The following ADAMTS9 variants were observed in gnomAD, a reference collection of about 807,000 sequenced individuals.
ADAMTS9 encodes A disintegrin and metalloproteinase with thrombospondin motifs 9.
Under a neutral mutation model 257.1 loss-of-function variants are expected in ADAMTS9, and 107 were observed. That is an observed-to-expected ratio of 0.42 (90% CI 0.36 to 0.49). ADAMTS9 has a LOEUF of 0.49. ADAMTS9 is among the 20% of genes least tolerant of loss of function. ADAMTS9 has a pLI of 0.03. For synonymous variants in ADAMTS9, 982 were observed against 880.9 expected, an observed-to-expected ratio of 1.11 and a Z score of -2.03; for missense variants, 2,353 against 2,469.1, an observed-to-expected ratio of 0.95 and a Z score of 1.00.
chr3:64,590,257 C>T (rs1372696814), intron 28 of ADAMTS9, among the ~76,000 whole-genome samples: 2 of 152,166 alleles, frequency 1.3e-5, no homozygotes, highest in East Asian at 1.9e-4. Flanking sequence ...TGTCTAATTA[C>T]ACAAAGCTAG....
At chr3:64,603,434 A>G (rs1478302801) in intron 25 of ADAMTS9, among the ~76,000 whole-genome samples, 1 of 152,152 alleles carries the variant, frequency 6.6e-6, no homozygotes, top group Non-Finnish European at 1.5e-5. Flanking sequence ...AAACCCATAG[A>G]TAGTGCTTGG....
At chr3:64,632,219 A>C (rs1700384384) in intron 14 of ADAMTS9, among the ~76,000 whole-genome samples, 1 of 152,206 alleles carries the variant, frequency 6.6e-6, no homozygotes. Flanking sequence ...CTTCATCTAC[A>C]GATAAAAGTT....
In ADAMTS9 at chr3:64,667,954, C is replaced by A. The variant is rs557378051; in HGVS notation, c.680-9163G>T. Among the ~76,000 whole-genome samples, 10 of 152,324 alleles carry A rather than the reference C, an allele frequency of 6.6e-5. No individual in the cohort carries two copies. In the South Asian group the frequency reaches 1.9e-3, roughly 28 times the overall value. ...TATAAGACGCTGAACATCCCAGGGC[C>A]TGTGTTTTACTAAGAGACTATTTAG... On this transcript the variant is annotated intron_variant, in intron 3 of 39. Transcript: ENST00000498707.
At chr3:64,602,301 C>T in intron 25 of ADAMTS9, 88 bp from the exon 26 acceptor site, 30 of 1,495,078 alleles carry the variant, frequency 2.0e-5, no homozygotes, top group Non-Finnish European at 2.6e-5. Flanking sequence ...AAATGGCCCA[C>T]CACTTTCCCA....
At chr3:64,609,093 A>G (rs2084618393) in intron 22 of ADAMTS9, among the ~76,000 whole-genome samples, 1 of 152,160 alleles carries the variant, frequency 6.6e-6, no homozygotes, top group Non-Finnish European at 1.5e-5. Context: ...AACAATTCAG[A>G]AATCTAGCAA....
chr3:64,604,146 C>G, intron 24 of ADAMTS9, 57 bp from the exon 25 acceptor site: 1 of 1,600,486 alleles, frequency 6.2e-7, no homozygotes, highest in South Asian at 1.1e-5. Context: ...GCTTACTGGA[C>G]AGTAGCCCAC....
At position 64,550,006 on chromosome 3, in the gene ADAMTS9, T is replaced by A. The variant is rs572855013; in HGVS notation, c.4869+886A>T. ...GGCAGCAATCATATTACCTAACAATTTTCAATACCTTTACTGTGAGTCCAG... is the reference window on the plus strand; with the variant it reads ...GGCAGCAATCATATTACCTAACAATATTCAATACCTTTACTGTGAGTCCAG... On this transcript the variant is annotated intron_variant, in intron 31 of 39. Coordinates refer to ENST00000498707, the MANE Select transcript of ADAMTS9 (RefSeq NM_182920.2). 2.6e-5 allele frequency: 4 copies of A among 152,284 alleles called. No homozygotes were observed. The South Asian group carries it at 8.3e-4, about 32-fold the overall frequency. 9.4% of individuals were successfully genotyped at this position (152,284 alleles called of 1,614,324 possible). A position where few individuals can be genotyped will look rare whatever the true frequency, so the allele number is the denominator to read the frequency against.
intron 3 of ADAMTS9, among the ~76,000 whole-genome samples, chr3:64,677,306 T>C (rs1296899310): frequency 6.6e-6 from 1 of 151,992 alleles, no homozygotes; most frequent in Non-Finnish European, 1.5e-5. Context: ...GACAAATAAA[T>C]GCAGAGACAC....
At chr3:64,557,984 T>G (rs980481026) in intron 30 of ADAMTS9, among the ~76,000 whole-genome samples, 1 of 152,142 alleles carries the variant, frequency 6.6e-6, no homozygotes, top group Non-Finnish European at 1.5e-5. Context: ...GGAAGTCCAC[T>G]GAGGGGCTCC....
intron 39 of ADAMTS9, among the ~76,000 whole-genome samples, chr3:64,517,416 G>GTTTTTTTTGTTTTTTTTTTTTTTTTTT (rs1553698668): frequency 5.7e-5 from 3 of 52,638 alleles, no homozygotes; most frequent in Non-Finnish European, 1.1e-4. Flanking sequence ...ATTAAAAATG[G>GTTTTTTTTGTTTTTTTTTTTTTTTTTT]TTTTTTTTTT....
In ADAMTS9 at chr3:64,612,500, G is replaced by T. The variant is rs376224334; in HGVS notation, c.3354+845C>A. On this transcript the variant is annotated intron_variant, in intron 22 of 39. Transcript: ENST00000498707. Reference sequence around the variant, plus strand: ...AGTGCCCATATCAGTGATAGAAATTGTAAGGGTGCCATAATAAAACTGCTT... The same window carrying T: ...AGTGCCCATATCAGTGATAGAAATTTTAAGGGTGCCATAATAAAACTGCTT... 6.0e-4 allele frequency among the ~76,000 whole-genome samples: 91 copies of T among 152,320 alleles called. 2 individuals carry two copies. In the South Asian group the frequency reaches 0.018, roughly 30 times the overall value.
At chr3:64,600,609 C>A (rs1354041101) in intron 26 of ADAMTS9, among the ~76,000 whole-genome samples, 1 of 152,196 alleles carries the variant, frequency 6.6e-6, no homozygotes, top group Non-Finnish European at 1.5e-5. Flanking sequence ...CAAGGAAAAA[C>A]CATGAGACAC....
chr3:64,604,163 T>C, intron 24 of ADAMTS9, 64 bp downstream of exon 24: 4 of 1,599,274 alleles, frequency 2.5e-6, no homozygotes, highest in Non-Finnish European at 3.4e-6. Context: ...CCACTTTCTA[T>C]AGCCATGTCT....
rs745568675 is a variant in ADAMTS9, at chr3:64,616,024, C to T, written c.2960G>A (p.Ser987Asn). 5 of 1,613,966 alleles carry T rather than the reference C, an allele frequency of 3.1e-6. No homozygotes were observed. The African/African-American group carries it at 5.3e-5, about 17-fold the overall frequency. The stretch of plus-strand genomic sequence containing the variant: ...TTCCCCTGAGCATTTTTCACGGTTG[C>T]TTGGTTTGGGATGGCTGCTGCAAAA... ...DGFCSSHPKP[S>N]NREKCSGECN... is the part of the protein sequence containing the mutation. Residue 987 changes from serine to asparagine, a missense_variant, in exon 20 of 40, where the codon AGC (serine) becomes AAC (asparagine). By Grantham distance (46) the Ser-to-Asn change is conservative. Around this residue, in one of 3 missense-constraint regions of ADAMTS9, gnomAD observed 1,402 missense variants for 1,441.4 expected, o/e 0.97. Transcript: ENST00000498707.
chr3:64,612,899 G>C (rs1016100948), intron 22 of ADAMTS9, among the ~76,000 whole-genome samples: 3 of 152,128 alleles, frequency 2.0e-5, no homozygotes, highest in African/African-American at 7.2e-5. Flanking sequence ...TGAAGAGTCT[G>C]GCTTATTTAT....
intron 28 of ADAMTS9, among the ~76,000 whole-genome samples, chr3:64,569,529 T>C (rs778994527): frequency 6.6e-6 from 1 of 152,266 alleles, no homozygotes; most frequent in Non-Finnish European, 1.5e-5. Context: ...CCACTAACTT[T>C]GTGATTTTGT....
intron 19 of ADAMTS9, among the ~76,000 whole-genome samples, chr3:64,620,174 G>C (rs939035213): frequency 6.6e-6 from 1 of 152,056 alleles, no homozygotes; most frequent in African/African-American, 2.4e-5. Context: ...TATGACACTC[G>C]TACCATAACT....
rs918354136 is a variant in ADAMTS9, at chr3:64,687,693, C to G, written c.-36G>C. The G allele has an allele frequency of 2.1e-6, 3 of 1,437,124 alleles. No homozygotes were observed. The highest frequency in any genetic ancestry group is 2.1e-5 in the Admixed American group (1 of 47,246). 89.0% of individuals were successfully genotyped at this position (1,437,124 alleles called of 1,614,324 possible). ...ACCCCTCCCTCCGCTGCCCCCACCC[C>G]CCTCCCTCCTGCCCTCCTTGGCTGC... On this transcript the variant is annotated 5_prime_UTR_variant, in exon 1 of 40. Coordinates refer to ENST00000498707, the MANE Select transcript of ADAMTS9 (RefSeq NM_182920.2). This position sits in a 1 kb window ranked among gnomAD's most constrained non-coding sequence, Gnocchi z 4.4.
chr3:64,684,138 G>A (rs1302177021), intron 2 of ADAMTS9, among the ~76,000 whole-genome samples: 1 of 152,164 alleles, frequency 6.6e-6, no homozygotes, highest in African/African-American at 2.4e-5. Context: ...ATTTGTGGAG[G>A]AAAGATTGGG....
Sources: allele counts gnomAD v4.1 joint callset (sites outside exome capture counted in the v4.1 genomes callset), GRCh38; gene constraint gnomAD v4.1.1; regional missense constraint gnomAD v4.1.1; non-coding constraint Gnocchi (gnomAD v3.1); transcripts MANE v1.5; gene names NCBI Gene and HGNC (gene_info 2026-07-23, HGNC 2026-07-21).